MUC6: variants seen among roughly 807,000 people sequenced by gnomAD.
MUC6 encodes the protein mucin-6.
MUC6 carries 188 observed loss-of-function variants against 201.5 expected under a neutral mutation model. That is an observed-to-expected ratio of 0.93 (90% CI 0.83 to 1.05). The LOEUF (loss-of-function observed/expected upper bound fraction) is 1.05. Among genes scored for constraint, MUC6 ranks in the 50% least tolerant of loss-of-function variants. The pLI is 0.00. For synonymous variants in MUC6, 1,228 were observed against 1,389.4 expected (o/e 0.88, Z 2.58); for missense variants, 2,706 against 3,256.9 (o/e 0.83, Z 4.12).
rs1564843733 is a variant in MUC6 at position 1,029,721 on chromosome 11, CCCCCTCCAGCCTGGCTCCAGGGAGACG to C, written c.1016-133_1016-107del. 4.4e-4 allele frequency: 622 copies of C among 1,401,962 alleles called. 2 individuals carry two copies. In the Middle Eastern group the frequency reaches 7.3e-3, roughly 17 times the overall value. The allele number at this position is 1,401,962 out of a possible 1,614,324, so 86.8% of individuals were successfully genotyped here. On this transcript the variant is annotated intron_variant, in intron 8 of 32. Coordinates refer to ENST00000421673, the MANE Select transcript of MUC6 (RefSeq NM_005961.3). The stretch of plus-strand genomic sequence containing the variant: ...CCTCCAGCCTGGCTCCAGGGAGACG[CCCCCTCCAGCCTGGCTCCAGGGAGACG>C]CCCCTCCAGCCTGGCTCCAGGGAGA...
chr11:1,033,065 G>C lies in MUC6; in HGVS notation c.63C>G (p.Asn21Lys), dbSNP rs1009004198. 1 of 1,612,880 alleles carries C rather than the reference G, an allele frequency of 6.2e-7. No homozygotes were observed. Among genetic ancestry groups the C allele is most frequent in the Non-Finnish European group, 8.5e-7 (1 of 1,179,180 alleles). Reference protein sequence around the residue: ...CGALLSAGLANTSYTSPGLQR... With the variant: ...CGALLSAGLAKTSYTSPGLQR... Reference sequence around the variant, plus strand: ...GGAGGCCTGGGCTGGTGTAGGAGGTGTTAGCCAGACCTGTGTGGACGGGAC... The same window carrying C: ...GGAGGCCTGGGCTGGTGTAGGAGGTCTTAGCCAGACCTGTGTGGACGGGAC... Residue 21 changes from asparagine to lysine, a missense_variant, in exon 2 of 33, where the codon AAC becomes AAG. Asn to Lys is a moderately conservative substitution (Grantham distance 94). Transcript: ENST00000421673. This position sits in a 1 kb window ranked among gnomAD's most constrained non-coding sequence, Gnocchi z 5.6.
chr11:1,031,953 C>T lies in MUC6; in HGVS notation c.216G>A (p.Ala72=), dbSNP rs767059347. 5.1e-5 allele frequency: 82 copies of T among 1,613,526 alleles called. No homozygotes were observed. The highest frequency in any genetic ancestry group is 3.3e-4 in the South Asian group (30 of 91,078). ...TGGGGAAGGCGTCCTTGCAGGTGGC[C>T]GCGAAGATGTAGTTGCACGTCCCCG... ...DFSGTCNYIF[A]ATCKDAFPTF... Residue 72 remains alanine, a synonymous_variant, in exon 3 of 33, where the codon GCG becomes GCA. Transcript: ENST00000421673.
Position 1,018,558 on chromosome 11 carries a change from GACTCCCCGCCGT to G in MUC6, c.4231_4242del (p.Thr1411_Ser1414del), listed in dbSNP as rs1179771605. 3 of 1,613,188 alleles carry G rather than the reference GACTCCCCGCCGT, an allele frequency of 1.9e-6. No individual in the cohort carries two copies. In the Admixed American group the frequency reaches 5.0e-5, roughly 27 times the overall value. On this transcript the variant is annotated inframe_deletion, in exon 31 of 33. Transcript: ENST00000421673. The stretch of plus-strand genomic sequence containing the variant: ...GTGACAGGACCTGTGGAAGGGACGG[GACTCCCCGCCGT>G]AGGCGGGGAGTGTGTGGTGTGTGGG...
At chr11:1,013,841 G>A in intron 32 of MUC6, 58 bp downstream of exon 32, 1 of 1,530,126 alleles carries the variant, frequency 6.5e-7, no homozygotes, top group Non-Finnish European at 8.8e-7. Flanking sequence ...AACCTCTCTG[G>A]GGTGGGGTTG....
chr11:1,036,327 C>T (rs1013127408), intron 1 of MUC6, among the ~76,000 whole-genome samples: 2 of 152,312 alleles, frequency 1.3e-5, no homozygotes, highest in East Asian at 1.9e-4. Flanking sequence ...TCCAGCTGAG[C>T]GTCCTCCCCC....
intron 31 of MUC6, among the ~76,000 whole-genome samples, chr11:1,015,416 A>G (rs765579563): frequency 7.9e-5 from 12 of 152,166 alleles, no homozygotes; most frequent in Non-Finnish European, 1.8e-4. Flanking sequence ...CCTCTGAGCA[A>G]CCAAAGGGGC....
Position 1,019,601 on chromosome 11 carries a change from C to T in MUC6, c.3809-105G>A, listed in dbSNP as rs138197650. 105 of 1,028,340 alleles carry T rather than the reference C, an allele frequency of 1.0e-4. No individual in the cohort carries two copies. In the East Asian group the frequency reaches 2.0e-3, roughly 19 times the overall value. The allele number at this position is 1,028,340 out of a possible 1,614,324, so 63.7% of individuals were successfully genotyped here. On this transcript the variant is annotated intron_variant, in intron 29 of 32. Coordinates refer to ENST00000421673, the MANE Select transcript of MUC6 (RefSeq NM_005961.3). ...CTTCTGGGATCCCTGGCCTGCTGTC[C>T]GGGACTCAGCCTCCTTGGAGGGGCT... is the stretch of plus-strand genomic sequence containing the variant.
rs1856775433 is a variant in MUC6, at chr11:1,020,175, G to T, written c.3723C>A (p.Ser1241Arg). 1.9e-6 allele frequency: 3 copies of T among 1,612,822 alleles called. No homozygotes were observed. Among genetic ancestry groups the T allele is most frequent in the African/African-American group, 2.7e-5 (2 of 75,026 alleles). The change falls in exon 29 of 33, where the codon AGC (serine) becomes AGA (arginine). Residue 1241 changes from serine to arginine, a missense_variant. Physicochemically the swap from Ser to Arg is moderately radical, Grantham distance 110. Coordinates refer to ENST00000421673, the MANE Select transcript of MUC6 (RefSeq NM_005961.3). ...TGGGGCTGGCAGGGGTGTGATTAGA[G>T]CTGGGTGAGGGTCCGGTGGAGCTGA... ...GLLSSTGPSP[S>R]SNHTPASPTQ...
At chr11:1,021,562 G>T (rs547332599) in intron 26 of MUC6, among the ~76,000 whole-genome samples, 1 of 152,124 alleles carries the variant, frequency 6.6e-6, no homozygotes, top group South Asian at 2.1e-4. Context: ...GTAGTGATGG[G>T]GCTTCGCCAC....
rs1392839119 is a variant in MUC6, at chr11:1,023,944, C to CA, written c.3382+2dup. On this transcript the variant is annotated splice_region_variant and intron_variant, in intron 25 of 32. Coordinates refer to ENST00000421673, the MANE Select transcript of MUC6 (RefSeq NM_005961.3). ...GCAACCTGTGGGAGGGGTGGTCACT[C>CA]ACGGCAGAAGGCCGGGGTCCTCCAG... The CA allele has an allele frequency of 5.0e-6, 8 of 1,611,716 alleles. 1 individual carries two copies. In the South Asian group the frequency reaches 5.5e-5, roughly 11 times the overall value.
chr11:1,026,960 A>G lies in MUC6; in HGVS notation c.2375T>C (p.Leu792Pro). 1 of 1,593,528 alleles carries G rather than the reference A, an allele frequency of 6.3e-7. No homozygotes were observed. Among genetic ancestry groups the G allele is most frequent in the Non-Finnish European group, 8.5e-7 (1 of 1,170,946 alleles). ...GAACAPTCQM[L>P]ATGVACVPTK... ...CCTTACGCAGGCAACACCGGTGGCC[A>G]GCATCTGGCATGTGGGGGCACAGGC... The change falls in exon 19 of 33, where the codon CTG (leucine) becomes CCG (proline). Residue 792 changes from leucine to proline, a missense_variant. Physicochemically the swap from Leu to Pro is moderately conservative, Grantham distance 98. Transcript: ENST00000421673.
chr11:1,025,784 A>AGGT, intron 22 of MUC6, 21 bp downstream of exon 22: 4 of 1,595,870 alleles, frequency 2.5e-6, no homozygotes, highest in Non-Finnish European at 3.4e-6. Context: ...CTGCCCTGCC[A>AGGT]GAGTCTGCCC....
chr11:1,028,859 T>G (rs766315850), intron 12 of MUC6, 30 bp downstream of exon 12: 77 of 1,610,686 alleles, frequency 4.8e-5, no homozygotes, highest in East Asian at 4.7e-4. Context: ...GGCACAACTC[T>G]GGGGGGCCAC....
rs1296507656 is a variant in MUC6 at position 1,033,955 on chromosome 11, T to C, written c.53-880A>G. ...TTAGCAGGGCACTCACAGCACCTCC[T>C]TCCAGATGTAGCTCAGAGATCCCAT... On this transcript the variant is annotated intron_variant, in intron 1 of 32. Coordinates refer to ENST00000421673, the MANE Select transcript of MUC6 (RefSeq NM_005961.3). The surrounding 1 kb of genome is among the most constrained non-coding windows in gnomAD (Gnocchi z 5.6). Among the ~76,000 whole-genome samples the C allele has an allele frequency of 6.6e-6, 1 of 152,116 alleles. No individual in the cohort carries two copies. Among genetic ancestry groups the C allele is most frequent in the Non-Finnish European group, 1.5e-5 (1 of 67,988 alleles).
intron 20 of MUC6, 39 bp from the exon 21 acceptor site, chr11:1,026,180 C>G (rs1307529861): frequency 1.3e-6 from 2 of 1,566,260 alleles, no homozygotes; most frequent in Admixed American, 1.9e-5. Flanking sequence ...GCCTGCGGCC[C>G]TCCTGCCATA....
In MUC6 at chr11:1,019,351, C is replaced by T. The variant is rs201111950; in HGVS notation, c.3954G>A (p.Thr1318=). ...ATASTASPAT[T]STAQSTTRTT... is the part of the protein sequence containing the mutation. The stretch of plus-strand genomic sequence containing the variant: ...TCCGTGTTGTGGACTGAGCTGTGGA[C>T]GTCGTGGCTGGGCTGGCGGTCGACG... The change falls in exon 30 of 33, where the codon ACG becomes ACA. Residue 1318 remains threonine, a synonymous_variant. Coordinates refer to ENST00000421673, the MANE Select transcript of MUC6 (RefSeq NM_005961.3). 41 of 1,613,786 alleles carry T rather than the reference C, an allele frequency of 2.5e-5. No individual in the cohort carries two copies. The highest frequency in any genetic ancestry group is 1.6e-4 in the Middle Eastern group (1 of 6,062).
intron 4 of MUC6, 35 bp from the exon 5 acceptor site, chr11:1,031,294 C>CT: frequency 6.5e-7 from 1 of 1,540,640 alleles, no homozygotes. Context: ...GCCCGGGGGC[C>CT]AGGGGCCCCC....
In MUC6 at chr11:1,026,177, G is replaced by A; in HGVS notation, c.2547-36C>T. ...AGCAGGTGTGGGTGGTGGGCCTGCGGCCCTCCTGCCATACTGGGTGTGGTC... is the reference window on the plus strand; with the variant it reads ...AGCAGGTGTGGGTGGTGGGCCTGCGACCCTCCTGCCATACTGGGTGTGGTC... On this transcript the variant is annotated intron_variant, in intron 20 of 32. Transcript: ENST00000421673. 8 of 1,567,282 alleles carry A rather than the reference G, an allele frequency of 5.1e-6. 1 individual carries two copies. Among genetic ancestry groups the A allele is most frequent in the Non-Finnish European group, 6.9e-6 (8 of 1,158,036 alleles).
At chr11:1,030,382 C>T (rs953721709) in intron 7 of MUC6, 47 bp from the exon 8 acceptor site, 8 of 1,519,596 alleles carry the variant, frequency 5.3e-6, no homozygotes, top group Middle Eastern at 2.3e-4. Flanking sequence ...CCCCCCCACC[C>T]CTCCCTGCCC....
Sources: gnomAD v4.1 joint callset for allele counts (sites outside exome capture counted in the v4.1 genomes callset) on GRCh38, gnomAD v4.1.1 for gene constraint, Gnocchi (gnomAD v3.1) non-coding constraint, MANE v1.5 for transcripts, NCBI Gene and HGNC (gene_info 2026-07-23, HGNC 2026-07-21) for gene names.